GRM8: variants seen among roughly 807,000 people sequenced by gnomAD.
GRM8 encodes glutamate metabotropic receptor 8.
A neutral mutation model predicts 87.2 loss-of-function variants in GRM8; 47 were observed. The ratio of observed to expected loss-of-function variants is 0.54; its 90% CI spans 0.43 to 0.69. The LOEUF (loss-of-function observed/expected upper bound fraction) is 0.69. GRM8 is among the 30% of genes least tolerant of loss of function. The pLI is 0.00. For synonymous variants in GRM8, 396 were observed against 404.5 expected, an observed-to-expected ratio of 0.98 and a Z score of 0.25; for missense variants, 1,019 against 1,139.2, an observed-to-expected ratio of 0.89 and a Z score of 1.52.
intron 9 of GRM8, among the ~76,000 whole-genome samples, chr7:126,448,921 A>G (rs1395275673): frequency 6.6e-6 from 1 of 151,864 alleles, no homozygotes; most frequent in Non-Finnish European, 1.5e-5. Context: ...GGATCAGGAA[A>G]AATAATAACA....
chr7:126,579,980 GTGC>G, intron 8 of GRM8, among the ~76,000 whole-genome samples: 1 of 151,352 alleles, frequency 6.6e-6, no homozygotes. Flanking sequence ...AAAAGAAAAC[GTGC>G]TTATCCCATA....
intron 9 of GRM8, among the ~76,000 whole-genome samples, chr7:126,498,186 G>C (rs1453231012): frequency 2.0e-5 from 3 of 151,804 alleles, no homozygotes; most frequent in Non-Finnish European, 2.9e-5. Context: ...GTATACGGAG[G>C]GACAGCTTTG....
chr7:126,968,610 AATC>A (rs1340219087), intron 3 of GRM8, among the ~76,000 whole-genome samples: 1 of 152,188 alleles, frequency 6.6e-6, no homozygotes, highest in Non-Finnish European at 1.5e-5. Context: ...CTTCCATAAA[AATC>A]ATCACAAAAT....
chr7:126,579,123 A>C (rs1795376127), intron 8 of GRM8, among the ~76,000 whole-genome samples: 1 of 152,240 alleles, frequency 6.6e-6, no homozygotes, highest in South Asian at 2.1e-4. Flanking sequence ...AGAAAGACAC[A>C]AAAGTTAGAG....
At chr7:126,988,080 A>T (rs927379487) in intron 3 of GRM8, among the ~76,000 whole-genome samples, 1 of 152,216 alleles carries the variant, frequency 6.6e-6, no homozygotes, top group African/African-American at 2.4e-5. Context: ...CGTTTAAAAA[A>T]AAAAAATGAC....
chr7:126,594,617 A>C (rs1261927140), intron 8 of GRM8, among the ~76,000 whole-genome samples: 2 of 152,134 alleles, frequency 1.3e-5, no homozygotes, highest in East Asian at 1.9e-4. Context: ...CAAAAGATAC[A>C]AAATTTCACT....
At chr7:126,674,682 A>T in intron 7 of GRM8, among the ~76,000 whole-genome samples, 1 of 152,118 alleles carries the variant, frequency 6.6e-6, no homozygotes, top group Middle Eastern at 3.2e-3. Context: ...AGCCCCCAGA[A>T]AAAAAAAGAA....
chr7:126,896,517 C>T (rs1013434263), intron 6 of GRM8, among the ~76,000 whole-genome samples: 7 of 152,038 alleles, frequency 4.6e-5, no homozygotes, highest in African/African-American at 9.7e-5. Flanking sequence ...GGTCTCTATG[C>T]GTCCTGAGTG....
At chr7:127,047,829 C>A (rs1056360246) in intron 3 of GRM8, among the ~76,000 whole-genome samples, 1 of 152,048 alleles carries the variant, frequency 6.6e-6, no homozygotes, top group Non-Finnish European at 1.5e-5. Flanking sequence ...AAATGAGACC[C>A]TGTTTCAAAA....
intron 7 of GRM8, among the ~76,000 whole-genome samples, chr7:126,765,556 C>T (rs1818109412): frequency 6.6e-6 from 1 of 151,970 alleles, no homozygotes; most frequent in South Asian, 2.1e-4. Flanking sequence ...ATAAGGTTCT[C>T]ATAGCAACAG....
chr7:126,661,350 T>C (rs1043818533), intron 7 of GRM8, among the ~76,000 whole-genome samples: 23 of 152,356 alleles, frequency 1.5e-4, no homozygotes, highest in African/African-American at 5.3e-4. Context: ...TATTTTCTTG[T>C]AAATGATCTT....
chr7:126,467,454 A>G (rs1185840993), intron 9 of GRM8, among the ~76,000 whole-genome samples: 1 of 151,974 alleles, frequency 6.6e-6, no homozygotes, highest in Non-Finnish European at 1.5e-5. Flanking sequence ...TTCATATTCC[A>G]TTTATAGTAT....
intron 7 of GRM8, among the ~76,000 whole-genome samples, chr7:126,726,511 T>C (rs1052600893): frequency 3.3e-5 from 5 of 152,104 alleles, no homozygotes; most frequent in African/African-American, 1.2e-4. Context: ...GTGGTCCCAA[T>C]CCTCCAAGTG....
intron 7 of GRM8, among the ~76,000 whole-genome samples, chr7:126,678,732 G>C (rs1161379826): frequency 6.6e-6 from 1 of 152,134 alleles, no homozygotes; most frequent in Non-Finnish European, 1.5e-5. Flanking sequence ...AGATATCCAG[G>C]TTGCGGTGAC....
chr7:126,780,373 G>A lies in GRM8; in HGVS notation c.1157-10308C>T, dbSNP rs543063489. The stretch of plus-strand genomic sequence containing the variant: ...GTATATATATTAGACAATTAAATGA[G>A]TTAGTATATACATTAGGCAGTCAGA... On this transcript the variant is annotated intron_variant, in intron 6 of 10. Transcript: ENST00000339582. 5.3e-5 allele frequency among the ~76,000 whole-genome samples: 8 copies of A among 152,238 alleles called. No homozygotes were observed. The South Asian group carries it at 1.7e-3, about 32-fold the overall frequency.
chr7:127,131,724 T>C (rs1827701224), intron 2 of GRM8, among the ~76,000 whole-genome samples: 1 of 152,182 alleles, frequency 6.6e-6, no homozygotes, highest in African/African-American at 2.4e-5. Flanking sequence ...CAACCAGGCT[T>C]TAAAGACAGA....
intron 3 of GRM8, among the ~76,000 whole-genome samples, chr7:126,980,071 T>A (rs1811370452): frequency 6.6e-6 from 1 of 152,252 alleles, no homozygotes; most frequent in Non-Finnish European, 1.5e-5. Context: ...CTGGACAGTG[T>A]GCCCTAGGAT....
chr7:126,643,347 T>C (rs1470485024), intron 7 of GRM8, among the ~76,000 whole-genome samples: 1 of 102,480 alleles, frequency 9.8e-6, no homozygotes, highest in Non-Finnish European at 1.9e-5. Flanking sequence ...TATATATATA[T>C]ATATATATAG....
At chr7:126,759,753 G>T (rs1377731156) in intron 7 of GRM8, among the ~76,000 whole-genome samples, 1 of 152,058 alleles carries the variant, frequency 6.6e-6, no homozygotes, top group African/African-American at 2.4e-5. Context: ...GACCCAAGCA[G>T]TCTAAATATT....
Sources: gnomAD v4.1 joint callset for allele counts (sites outside exome capture counted in the v4.1 genomes callset) on GRCh38, gnomAD v4.1.1 for gene constraint, MANE v1.5 for transcripts, NCBI Gene and HGNC (gene_info 2026-07-23, HGNC 2026-07-21) for gene names.